HS2ST1: variants seen among roughly 807,000 people sequenced by gnomAD.
HS2ST1 encodes heparan sulfate 2-O-sulfotransferase 1.
Under a neutral mutation model 42.9 loss-of-function variants are expected in HS2ST1, and 18 were observed. The ratio of observed to expected loss-of-function variants is 0.42; its 90% CI spans 0.29 to 0.62. The LOEUF is 0.62. Ranked by LOEUF, HS2ST1 falls within the 20% of genes least tolerant of loss-of-function variation. The pLI is 0.21. For synonymous variants in HS2ST1, 146 were observed against 152.9 expected, an observed-to-expected ratio of 0.95 and a Z score of 0.33; for missense variants, 334 against 433.8, an observed-to-expected ratio of 0.77 and a Z score of 2.04.
chr1:86,970,949 C>G (rs987124040), intron 1 of HS2ST1, among the ~76,000 whole-genome samples: 3 of 152,100 alleles, frequency 2.0e-5, no homozygotes, highest in African/African-American at 7.2e-5. Context: ...TTGACAAGTT[C>G]TCTTTTACGG....
intron 1 of HS2ST1, among the ~76,000 whole-genome samples, chr1:87,055,926 A>G (rs1650957801): frequency 6.6e-6 from 1 of 152,210 alleles, no homozygotes; most frequent in Non-Finnish European, 1.5e-5. Context: ...CACAATATAT[A>G]AAGTACATCA....
intron 1 of HS2ST1, among the ~76,000 whole-genome samples, chr1:86,953,942 A>G (rs1647596668): frequency 6.6e-6 from 1 of 151,636 alleles, no homozygotes; most frequent in Non-Finnish European, 1.5e-5. Flanking sequence ...AACAGTCAGA[A>G]AACACACAAC....
chr1:86,982,499 G>C (rs1318609607), intron 1 of HS2ST1, among the ~76,000 whole-genome samples: 1 of 152,054 alleles, frequency 6.6e-6, no homozygotes, highest in Non-Finnish European at 1.5e-5. Flanking sequence ...AACGCTTTCA[G>C]AAAAAGCCAT....
At chr1:86,965,655 T>C (rs1557496828) in intron 1 of HS2ST1, among the ~76,000 whole-genome samples, 1 of 152,016 alleles carries the variant, frequency 6.6e-6, no homozygotes, top group Non-Finnish European at 1.5e-5. Flanking sequence ...CTGGTTTTTT[T>C]TTAGGGGATT....
rs1301682742 is a variant in HS2ST1, at chr1:86,985,370, A to G, written c.124+70210A>G. 5.9e-5 allele frequency among the ~76,000 whole-genome samples: 3 copies of G among 51,050 alleles called. 1 individual carries two copies. Among genetic ancestry groups the G allele is most frequent in the Non-Finnish European group, 1.5e-4 (3 of 20,670 alleles). The allele number at this position is 51,050 out of a possible 152,430, so 33.5% of individuals were successfully genotyped here. On this transcript the variant is annotated intron_variant, in intron 1 of 6. Transcript: ENST00000370550. Reference sequence around the variant, plus strand: ...TTGTATCAAAAAAAAAAAAAAAAGTATATATATATATATACACACACACAC... The same window carrying G: ...TTGTATCAAAAAAAAAAAAAAAAGTGTATATATATATATACACACACACAC...
At chr1:86,922,412 C>G (rs956560047) in intron 1 of HS2ST1, among the ~76,000 whole-genome samples, 1 of 118,388 alleles carries the variant, frequency 8.4e-6, no homozygotes, top group Non-Finnish European at 1.8e-5. Context: ...TCCCAGTGTT[C>G]TTCATTTTGT....
chr1:87,048,234 G>T (rs4484904), intron 1 of HS2ST1, among the ~76,000 whole-genome samples: 108,198 of 152,024 alleles, frequency 0.71, 40,183 homozygotes, highest in East Asian at 0.97. Flanking sequence ...ATTGATTTAG[G>T]TATATTGATT....
At chr1:86,915,322 G>C (rs1660122441) in intron 1 of HS2ST1, among the ~76,000 whole-genome samples, 162 bp downstream of exon 1, 1 of 152,238 alleles carries the variant, frequency 6.6e-6, no homozygotes, top group Non-Finnish European at 1.5e-5. Flanking sequence ...CGAGCTCCAA[G>C]AATGGGTTGA....
intron 1 of HS2ST1, chr1:87,045,324 C>G: frequency 8.1e-7 from 1 of 1,232,134 alleles, no homozygotes; most frequent in Non-Finnish European, 1.2e-6. Context: ...TTTCTCATTC[C>G]AAATTCTGAC....
chr1:86,982,608 A>G (rs927414430), intron 1 of HS2ST1, among the ~76,000 whole-genome samples: 5 of 151,956 alleles, frequency 3.3e-5, no homozygotes, highest in South Asian at 2.1e-4. Flanking sequence ...TCTGCCTCCC[A>G]GGTTCACGCC....
chr1:86,956,896 T>G (rs1198992930), intron 1 of HS2ST1, among the ~76,000 whole-genome samples: 1 of 152,222 alleles, frequency 6.6e-6, no homozygotes, highest in Non-Finnish European at 1.5e-5. Flanking sequence ...ATTCAGTAAT[T>G]GCAAAACAGA....
chr1:86,981,873 ACT>A (rs1648604824), intron 1 of HS2ST1, among the ~76,000 whole-genome samples: 3 of 151,802 alleles, frequency 2.0e-5, no homozygotes, highest in Admixed American at 2.0e-4. Context: ...CCCAGTGGGG[ACT>A]CTCTGTTGGG....
chr1:87,094,378 G>A (rs1334839387), intron 4 of HS2ST1, among the ~76,000 whole-genome samples: 1 of 152,018 alleles, frequency 6.6e-6, no homozygotes. Context: ...CACATTTACT[G>A]TGCACCATAC....
intron 1 of HS2ST1, among the ~76,000 whole-genome samples, chr1:86,998,631 TTC>T (rs1184514742): frequency 6.6e-6 from 1 of 152,218 alleles, no homozygotes; most frequent in Non-Finnish European, 1.5e-5. Context: ...TTTTTTAGGC[TTC>T]TGTTTCCATA....
intron 1 of HS2ST1, among the ~76,000 whole-genome samples, chr1:87,026,427 G>A (rs1480769862): frequency 6.6e-6 from 1 of 152,168 alleles, no homozygotes; most frequent in Non-Finnish European, 1.5e-5. Context: ...TTAAATAAAT[G>A]TTCGTAAGTA....
intron 3 of HS2ST1, among the ~76,000 whole-genome samples, chr1:87,088,634 T>C (rs974651152): frequency 6.6e-6 from 1 of 152,010 alleles, no homozygotes; most frequent in Non-Finnish European, 1.5e-5. Context: ...CAAACTGTTT[T>C]CCCAAGTGAT....
At chr1:87,063,246 G>GT (rs1217910437) in intron 1 of HS2ST1, among the ~76,000 whole-genome samples, 1 of 151,944 alleles carries the variant, frequency 6.6e-6, no homozygotes, top group African/African-American at 2.4e-5. Flanking sequence ...AATTTCTTTT[G>GT]TTTTTTCTTT....
At chr1:87,012,501 T>A (rs1256089377) in intron 1 of HS2ST1, among the ~76,000 whole-genome samples, 1 of 152,178 alleles carries the variant, frequency 6.6e-6, no homozygotes, top group Admixed American at 6.5e-5. Context: ...ATGATTCAGT[T>A]GCCTCCCACT....
rs1557476874 is a variant in HS2ST1 at position 86,914,768 on chromosome 1, C to G, written c.-269C>G. The G allele has an allele frequency of 4.0e-6, 2 of 495,192 alleles. No homozygotes were observed. The highest frequency in any genetic ancestry group is 2.0e-5 in the African/African-American group (1 of 49,494). The allele number at this position is 495,192 out of a possible 1,614,324, so 30.7% of individuals were successfully genotyped here. On this transcript the variant is annotated 5_prime_UTR_variant, in exon 1 of 7. Transcript: ENST00000370550. Reference sequence around the variant, plus strand: ...GCAGTAGAGGGAGGCGAGAGCCCGGCAGCCGCTTCGCGCTGTTTGCTGCGC... The same window carrying G: ...GCAGTAGAGGGAGGCGAGAGCCCGGGAGCCGCTTCGCGCTGTTTGCTGCGC...
Sources: gnomAD v4.1 joint callset for allele counts (sites outside exome capture counted in the v4.1 genomes callset) on GRCh38, gnomAD v4.1.1 for gene constraint, MANE v1.5 for transcripts, NCBI Gene and HGNC (gene_info 2026-07-23, HGNC 2026-07-21) for gene names.